CHURC1: variants seen among roughly 807,000 people sequenced by gnomAD.
CHURC1 encodes churchill domain containing 1, also known as protein Churchill.
CHURC1 carries 12 observed loss-of-function variants against 15.4 expected under a neutral mutation model. That is an observed-to-expected ratio of 0.78 (90% CI 0.50 to 1.27). The LOEUF is 1.27. Among genes scored for constraint, CHURC1 ranks in the 50% most tolerant of loss-of-function variants. The pLI is 0.00. For synonymous variants in CHURC1, 42 were observed against 47.5 expected (o/e 0.88, Z 0.48); for missense variants, 132 against 137.8 (o/e 0.96, Z 0.21).
At chr14:64,919,156 A>C (rs1222106190) in intron 1 of CHURC1, among the ~76,000 whole-genome samples, 1 of 152,222 alleles carries the variant, frequency 6.6e-6, no homozygotes, top group Non-Finnish European at 1.5e-5. Context: ...ACCAGTCAGA[A>C]CTAGAACTCT....
intron 1 of CHURC1, 88 bp downstream of exon 1, chr14:64,914,622 G>T: frequency 6.3e-7 from 1 of 1,590,842 alleles, no homozygotes; most frequent in Non-Finnish European, 8.6e-7. Flanking sequence ...GCCGTACGTG[G>T]GGCGGACTCG....
chr14:64,917,591 C>G (rs1293969065), intron 1 of CHURC1, among the ~76,000 whole-genome samples: 1 of 151,930 alleles, frequency 6.6e-6, no homozygotes. Flanking sequence ...AAAAAAAAAC[C>G]ACCACAAATA....
intron 1 of CHURC1, 107 bp from the exon 2 acceptor site, chr14:64,923,884 G>T (rs1272664728): frequency 8.6e-6 from 10 of 1,156,674 alleles, no homozygotes; most frequent in Non-Finnish European, 1.0e-5. Context: ...GTAAATGCTG[G>T]CCATTTTTTA....
Position 64,933,225 on chromosome 14 carries a change from C to A in CHURC1, c.*995C>A, listed in dbSNP as rs777940410. ...AGGAAAATCTGAGACATGGTCACAG[C>A]CAAGAGGAGCCTGAGAAGACATGAC... On this transcript the variant is annotated 3_prime_UTR_variant, in exon 4 of 4. Coordinates refer to ENST00000549115, the MANE Select transcript of CHURC1 (RefSeq NM_001386928.1). 1 of 272,368 alleles carries A rather than the reference C, an allele frequency of 3.7e-6. No homozygotes were observed. Among genetic ancestry groups the A allele is most frequent in the Non-Finnish European group, 5.6e-6 (1 of 177,426 alleles). 16.9% of individuals were successfully genotyped at this position (272,368 alleles called of 1,614,324 possible).
chr14:64,923,273 C>CA lies in CHURC1; in HGVS notation c.40-704dup, dbSNP rs563823780. Among the ~76,000 whole-genome samples, 377 of 103,256 alleles carry CA rather than the reference C, an allele frequency of 3.7e-3. 10 individuals carry two copies. The highest frequency in any genetic ancestry group is 0.021 in the South Asian group (64 of 3,080). 67.7% of individuals were successfully genotyped at this position (103,256 alleles called of 152,430 possible). On this transcript the variant is annotated intron_variant, in intron 1 of 3. Coordinates refer to ENST00000549115, the MANE Select transcript of CHURC1 (RefSeq NM_001386928.1). Reference sequence around the variant, plus strand: ...CATAGCAAGACCCCATCTCAATTACCAAAAAAAAAAAAAAGGCTTCCTTTG... The same window carrying CA: ...CATAGCAAGACCCCATCTCAATTACCAAAAAAAAAAAAAAAGGCTTCCTTTG...
intron 2 of CHURC1, 82 bp from the exon 3 acceptor site, chr14:64,925,928 T>C: frequency 1.0e-6 from 1 of 991,760 alleles, no homozygotes; most frequent in Non-Finnish European, 1.5e-6. Context: ...CTTTAAATAA[T>C]ATGCTGAGAA....
At chr14:64,923,233 G>A (rs1884442560) in intron 1 of CHURC1, among the ~76,000 whole-genome samples, 1 of 133,630 alleles carries the variant, frequency 7.5e-6, no homozygotes, top group East Asian at 2.1e-4. Context: ...AGGAGTTTGA[G>A]ACCAGCCTGG....
In CHURC1 at chr14:64,932,566, T is replaced by C; in HGVS notation, c.*336T>C. ...CAGGACTCCTTAGAAAATGAACTGA[T>C]TCTAGAACTGGGATATGAACTGTAC... On this transcript the variant is annotated 3_prime_UTR_variant, in exon 4 of 4. Transcript: ENST00000549115. The C allele has an allele frequency of 1.6e-6, 1 of 630,390 alleles. No homozygotes were observed. Among genetic ancestry groups the C allele is most frequent in the Non-Finnish European group, 2.0e-6 (1 of 491,678 alleles). 39.0% of individuals were successfully genotyped at this position (630,390 alleles called of 1,614,324 possible). A position where few individuals can be genotyped will look rare whatever the true frequency, so the allele number is the denominator to read the frequency against.
intron 1 of CHURC1, among the ~76,000 whole-genome samples, chr14:64,916,973 A>C (rs1883935309): frequency 2.0e-5 from 3 of 152,206 alleles, no homozygotes; most frequent in Admixed American, 6.5e-5. Flanking sequence ...CACCATCAAA[A>C]TTTTAATAGA....
At chr14:64,923,747 G>C (rs1028881293) in intron 1 of CHURC1, among the ~76,000 whole-genome samples, 1 of 143,456 alleles carries the variant, frequency 7.0e-6, no homozygotes, top group Admixed American at 6.9e-5. Context: ...CATAGTGGCA[G>C]TCCTTACAGA....
At chr14:64,923,495 T>G (rs2139894945) in intron 1 of CHURC1, among the ~76,000 whole-genome samples, 1 of 152,288 alleles carries the variant, frequency 6.6e-6, no homozygotes, top group South Asian at 2.1e-4. Flanking sequence ...GAGAGTTTAC[T>G]TTTGTTTATT....
rs979932437 is a variant in CHURC1, at chr14:64,926,067, T to C, written c.233T>C (p.Met78Thr). Residue 78 changes from methionine to threonine, a missense_variant, in exon 3 of 4, where the codon ATG (methionine) becomes ACG (threonine). Coordinates refer to ENST00000549115, the MANE Select transcript of CHURC1 (RefSeq NM_001386928.1). The part of the protein sequence containing the change: ...IARHEYTFSI[M>T]DEFQEYTMLC... The stretch of plus-strand genomic sequence containing the variant: ...AGACATGAGTATACATTCAGTATCA[T>C]GGATGAATTTCAGGTAAATATAAAT... The C allele has an allele frequency of 2.5e-6, 4 of 1,595,654 alleles. No homozygotes were observed. The highest frequency in any genetic ancestry group is 2.7e-5 in the African/African-American group (2 of 74,332).
intron 1 of CHURC1, among the ~76,000 whole-genome samples, chr14:64,918,126 G>C (rs1884018882): frequency 6.6e-6 from 1 of 152,224 alleles, no homozygotes; most frequent in African/African-American, 2.4e-5. Context: ...AAGAATAGTA[G>C]AAAAAGGGAT....
chr14:64,928,656 C>G (rs1884895194), intron 3 of CHURC1, among the ~76,000 whole-genome samples: 1 of 151,106 alleles, frequency 6.6e-6, no homozygotes, highest in African/African-American at 2.5e-5. Context: ...CATACGTTTC[C>G]TATAATCTAA....
intron 3 of CHURC1, among the ~76,000 whole-genome samples, chr14:64,927,596 A>G (rs1884796447): frequency 6.6e-6 from 1 of 151,934 alleles, no homozygotes; most frequent in Admixed American, 6.6e-5. Context: ...CCTGGAAATT[A>G]CTCTGGGACA....
chr14:64,934,400 T>G lies in CHURC1; in HGVS notation c.*2170T>G, dbSNP rs1885232331. The G allele has an allele frequency of 1.0e-6, 1 of 978,864 alleles. No homozygotes were observed. The highest frequency in any genetic ancestry group is 1.2e-6 in the Non-Finnish European group (1 of 824,002). 60.6% of individuals were successfully genotyped at this position (978,864 alleles called of 1,614,324 possible). A position where few individuals can be genotyped will look rare whatever the true frequency, so the allele number is the denominator to read the frequency against. On this transcript the variant is annotated 3_prime_UTR_variant, in exon 4 of 4. Transcript: ENST00000549115. ...CAAAAAAAGAAGTTAAATAACTTGT[T>G]TAAGATCACACAGCTAGTGCAGTTA...
chr14:64,922,577 C>CAAAA (rs572205182), intron 1 of CHURC1, among the ~76,000 whole-genome samples: 4 of 84,010 alleles, frequency 4.8e-5, no homozygotes, highest in Admixed American at 2.5e-4. Flanking sequence ...GACTCCGTCT[C>CAAAA]AAAAAAAAAA....
chr14:64,934,476 A>G lies in CHURC1; in HGVS notation c.*2246A>G. The G allele has an allele frequency of 1.0e-6, 1 of 985,462 alleles. No individual in the cohort carries two copies. Among genetic ancestry groups the G allele is most frequent in the Non-Finnish European group, 1.2e-6 (1 of 829,914 alleles). 61.0% of individuals were successfully genotyped at this position (985,462 alleles called of 1,614,324 possible). A position where few individuals can be genotyped will look rare whatever the true frequency, so the allele number is the denominator to read the frequency against. ...AAATATGAAATACAAGGATCTGGCA[A>G]GGTTAGGAAGAGGTTAAGAATATCA... On this transcript the variant is annotated 3_prime_UTR_variant, in exon 4 of 4. Transcript: ENST00000549115.
Position 64,914,652 on chromosome 14 carries a change from T to G in CHURC1, c.39+118T>G, listed in dbSNP as rs1021134262. On this transcript the variant is annotated intron_variant, in intron 1 of 3. Transcript: ENST00000549115. The stretch of plus-strand genomic sequence containing the variant: ...GACTCGGCCGCACTGCCGGTCCCGG[T>G]GACCCAGTAGCGGTATTTAGGCACA... The G allele has an allele frequency of 2.2e-5, 35 of 1,558,540 alleles. No individual in the cohort carries two copies. The Admixed American group carries it at 6.3e-4, about 28-fold the overall frequency.
Sources: gnomAD v4.1 joint callset for allele counts (sites outside exome capture counted in the v4.1 genomes callset) on GRCh38, gnomAD v4.1.1 for gene constraint, MANE v1.5 for transcripts, NCBI Gene and HGNC (gene_info 2026-07-23, HGNC 2026-07-21) for gene names.